GNAQ: variants seen among roughly 807,000 people sequenced by gnomAD.
GNAQ encodes G protein subunit alpha q, also known as guanine nucleotide-binding protein G(q) subunit alpha.
GNAQ carries 8 observed loss-of-function variants against 43.9 expected under a neutral mutation model. The ratio of observed to expected loss-of-function variants is 0.18; its 90% CI spans 0.11 to 0.33. The LOEUF is 0.33. Ranked by LOEUF, GNAQ falls within the 10% of genes least tolerant of loss-of-function variation. The pLI is 1.00. For synonymous variants in GNAQ, 155 were observed against 170.7 expected (o/e 0.91, Z 0.71); for missense variants, 158 against 450.8 (o/e 0.35, Z 5.88).
chr9:77,906,224 G>A (rs1828706411), intron 2 of GNAQ, among the ~76,000 whole-genome samples: 1 of 152,164 alleles, frequency 6.6e-6, no homozygotes, highest in Admixed American at 6.5e-5. Context: ...TCTCTGGAAT[G>A]AATATAGAGG....
intron 1 of GNAQ, among the ~76,000 whole-genome samples, chr9:77,984,219 G>A (rs888756933): frequency 2.0e-5 from 3 of 150,892 alleles, no homozygotes; most frequent in Non-Finnish European, 4.4e-5. Flanking sequence ...ACCCAGGCTG[G>A]AGTGCAGTGG....
chr9:77,993,573 G>C (rs1201380690), intron 1 of GNAQ, among the ~76,000 whole-genome samples: 1 of 151,742 alleles, frequency 6.6e-6, no homozygotes, highest in Non-Finnish European at 1.5e-5. Flanking sequence ...ATGGTGACAC[G>C]TGCCTGTAAT....
At chr9:77,951,092 CTTTTTT>C (rs35044662) in intron 1 of GNAQ, among the ~76,000 whole-genome samples, 4 of 89,318 alleles carry the variant, frequency 4.5e-5, no homozygotes, top group East Asian at 6.7e-4. Flanking sequence ...GTCAAGTGTT[CTTTTTT>C]TTTTTTTTTT....
At chr9:77,917,382 A>G (rs1332854390) in intron 2 of GNAQ, among the ~76,000 whole-genome samples, 2 of 152,174 alleles carry the variant, frequency 1.3e-5, no homozygotes, top group African/African-American at 4.8e-5. Flanking sequence ...GTGGGGGGGA[A>G]GAAGGTAAGA....
intron 1 of GNAQ, among the ~76,000 whole-genome samples, chr9:77,989,757 T>C (rs1463275247): frequency 6.6e-6 from 1 of 152,216 alleles, no homozygotes; most frequent in Non-Finnish European, 1.5e-5. Flanking sequence ...CAATTAGAAG[T>C]GGGTGTTTCT....
rs533529317 is a variant in GNAQ, at chr9:77,717,445, T to A, written c.*3878A>T. On this transcript the variant is annotated 3_prime_UTR_variant, in exon 7 of 7. Coordinates refer to ENST00000286548, the MANE Select transcript of GNAQ (RefSeq NM_002072.5). ...AATCAAGGGTAATCGGTAGGTGATTTGAGGGAAATTTCCAACCAATATGTG... is the reference window on the plus strand; with the variant it reads ...AATCAAGGGTAATCGGTAGGTGATTAGAGGGAAATTTCCAACCAATATGTG... 5.6e-5 allele frequency: 13 copies of A among 232,532 alleles called. No homozygotes were observed. In the East Asian group the frequency reaches 7.3e-4, roughly 13 times the overall value. The allele number at this position is 232,532 out of a possible 1,614,324, so 14.4% of individuals were successfully genotyped here.
At chr9:77,998,663 T>C (rs752468276) in intron 1 of GNAQ, among the ~76,000 whole-genome samples, 4 of 152,170 alleles carry the variant, frequency 2.6e-5, no homozygotes, top group Non-Finnish European at 5.9e-5. Flanking sequence ...AAACACTACA[T>C]AAGATAAAAT....
chr9:77,753,943 T>C (rs1825857603), intron 5 of GNAQ, among the ~76,000 whole-genome samples: 1 of 152,236 alleles, frequency 6.6e-6, no homozygotes, highest in South Asian at 2.1e-4. Context: ...TTTCTCTTGT[T>C]TGTGTGTTGG....
At chr9:78,011,399 A>G (rs1823770963) in intron 1 of GNAQ, among the ~76,000 whole-genome samples, 1 of 152,254 alleles carries the variant, frequency 6.6e-6, no homozygotes, top group African/African-American at 2.4e-5. Flanking sequence ...AACATTCCTA[A>G]GCACAAATGA....
intron 6 of GNAQ, among the ~76,000 whole-genome samples, chr9:77,727,966 T>C (rs925388252): frequency 6.6e-6 from 1 of 152,164 alleles, no homozygotes; most frequent in African/African-American, 2.4e-5. Flanking sequence ...ATTGTTCCTT[T>C]TTCTGATCTG....
intron 1 of GNAQ, among the ~76,000 whole-genome samples, chr9:77,996,996 C>T (rs892813769): frequency 3.3e-5 from 5 of 152,196 alleles, no homozygotes; most frequent in Admixed American, 6.5e-5. Flanking sequence ...ATATTCACTA[C>T]GTATTATCTC....
intron 1 of GNAQ, among the ~76,000 whole-genome samples, chr9:77,924,828 C>A (rs192931333): frequency 6.6e-6 from 1 of 152,146 alleles, no homozygotes; most frequent in African/African-American, 2.4e-5. Context: ...CAGAAACACA[C>A]CCAGGGATCC....
chr9:78,031,267 G>A lies in GNAQ; in HGVS notation c.-32C>T, dbSNP rs368811345. The stretch of plus-strand genomic sequence containing the variant: ...AAAGTGCCTCCGCTGCAGCCCCGCC[G>A]GCACCCCCTGCTCACAGCGCGCACA... On this transcript the variant is annotated 5_prime_UTR_variant, in exon 1 of 7. Coordinates refer to ENST00000286548, the MANE Select transcript of GNAQ (RefSeq NM_002072.5). 6 of 1,464,426 alleles carry A rather than the reference G, an allele frequency of 4.1e-6. No individual in the cohort carries two copies. Among genetic ancestry groups the A allele is most frequent in the Non-Finnish European group, 5.5e-6 (6 of 1,094,492 alleles). 90.7% of individuals were successfully genotyped at this position (1,464,426 alleles called of 1,614,324 possible). A position where few individuals can be genotyped will look rare whatever the true frequency, so the allele number is the denominator to read the frequency against.
chr9:77,770,778 A>G (rs1826211342), intron 5 of GNAQ, among the ~76,000 whole-genome samples: 1 of 152,208 alleles, frequency 6.6e-6, no homozygotes, highest in Admixed American at 6.5e-5. Flanking sequence ...CTGAATTAAA[A>G]CAAAACAAAA....
chr9:77,777,783 C>A (rs944566378), intron 5 of GNAQ, among the ~76,000 whole-genome samples: 1 of 151,912 alleles, frequency 6.6e-6, no homozygotes, highest in Non-Finnish European at 1.5e-5. Context: ...CTTATAACCA[C>A]TAGGATGGCT....
At chr9:77,889,770 G>C (rs10869982) in intron 2 of GNAQ, among the ~76,000 whole-genome samples, 19,848 of 152,012 alleles carry the variant, frequency 0.13, 1,540 homozygotes, top group East Asian at 0.32. Flanking sequence ...ATACGTCACC[G>C]CTTATTTCTA....
At chr9:77,840,354 T>TG (rs55934962) in intron 2 of GNAQ, among the ~76,000 whole-genome samples, 1 of 24,288 alleles carries the variant, frequency 4.1e-5, no homozygotes, top group South Asian at 1.2e-3. Flanking sequence ...TTACTTTTTG[T>TG]TTTTTTTTTT....
chr9:77,733,937 T>C (rs540589680), intron 5 of GNAQ, among the ~76,000 whole-genome samples: 1 of 152,308 alleles, frequency 6.6e-6, no homozygotes, highest in Non-Finnish European at 1.5e-5. Context: ...TTCCTCTGAT[T>C]AAGGAGAAGG....
intron 1 of GNAQ, among the ~76,000 whole-genome samples, chr9:77,942,261 CT>C (rs1226618775): frequency 2.0e-5 from 3 of 152,094 alleles, no homozygotes; most frequent in Non-Finnish European, 4.4e-5. Flanking sequence ...CTTGGAATTC[CT>C]CTAAGACCAG....
Sources: allele counts gnomAD v4.1 joint callset (sites outside exome capture counted in the v4.1 genomes callset), GRCh38; gene constraint gnomAD v4.1.1; transcripts MANE v1.5; gene names NCBI Gene and HGNC (gene_info 2026-07-23, HGNC 2026-07-21).